The following MAMDC2 variants were observed in gnomAD, a reference collection of about 807,000 sequenced individuals.
MAMDC2 encodes the protein MAM domain containing 2, also known as MAM domain-containing protein 2.
MAMDC2 carries 57 observed loss-of-function variants against 89.8 expected under a neutral mutation model. The observed-to-expected ratio is 0.63, with a 90% CI of 0.51 to 0.79. The LOEUF (loss-of-function observed/expected upper bound fraction) is 0.79, where lower values mean the gene tolerates loss of function less well. Among genes scored for constraint, MAMDC2 ranks in the 30% least tolerant of loss-of-function variants. MAMDC2 has a pLI of 0.00. For missense variants in MAMDC2, 800 were observed against 820.6 expected, an observed-to-expected ratio of 0.97 and a Z score of 0.31; for synonymous variants, 313 against 293.4, an observed-to-expected ratio of 1.07 and a Z score of -0.68.
chr9:70,078,966 C>T (rs1827596888), intron 2 of MAMDC2, among the ~76,000 whole-genome samples: 1 of 152,122 alleles, frequency 6.6e-6, no homozygotes, highest in Non-Finnish European at 1.5e-5. Flanking sequence ...CACAGCAAAC[C>T]CAGCCTGCTT....
chr9:70,125,732 G>C (rs556360036), intron 5 of MAMDC2, among the ~76,000 whole-genome samples: 86 of 152,304 alleles, frequency 5.6e-4, no homozygotes, highest in African/African-American at 1.9e-3. Flanking sequence ...AGAATAGATG[G>C]TAAGCTTTGT....
chr9:70,168,930 G>A (rs2032250046), intron 10 of MAMDC2, 135 bp downstream of exon 10: 5 of 685,484 alleles, frequency 7.3e-6, no homozygotes, highest in Middle Eastern at 2.6e-4. Context: ...CTGCAGAGCT[G>A]TGTAGCAGGC....
At chr9:70,144,134 A>AAT (rs2031318435) in intron 9 of MAMDC2, among the ~76,000 whole-genome samples, 2 of 146,794 alleles carry the variant, frequency 1.4e-5, no homozygotes, top group Non-Finnish European at 3.0e-5. Context: ...AACTTTAGTC[A>AAT]TAATTCTCTC....
chr9:70,195,836 A>G (rs1328132845), intron 11 of MAMDC2, among the ~76,000 whole-genome samples: 2 of 152,142 alleles, frequency 1.3e-5, no homozygotes, highest in Non-Finnish European at 2.9e-5. Flanking sequence ...TGAAAAGGTG[A>G]AAGTTCTCGA....
intron 5 of MAMDC2, among the ~76,000 whole-genome samples, chr9:70,118,297 A>AACACACACACACACAC (rs6151026): frequency 0.012 from 1,634 of 140,400 alleles, 64 homozygotes; most frequent in East Asian, 0.026. Flanking sequence ...ATCCCCACTC[A>AACACACACACACACAC]ACACACACAC....
At chr9:70,155,994 C>T (rs1216194741) in intron 9 of MAMDC2, among the ~76,000 whole-genome samples, 2 of 152,160 alleles carry the variant, frequency 1.3e-5, no homozygotes, top group Non-Finnish European at 1.5e-5. Context: ...CTAGCATTTA[C>T]TATGTAAATC....
At chr9:70,047,335 T>C (rs1826777551) in intron 2 of MAMDC2, among the ~76,000 whole-genome samples, 1 of 152,134 alleles carries the variant, frequency 6.6e-6, no homozygotes, top group African/African-American at 2.4e-5. Flanking sequence ...GTATTTGTCC[T>C]AATACTCTCC....
intron 11 of MAMDC2, among the ~76,000 whole-genome samples, chr9:70,183,822 T>C (rs1027479512): frequency 6.6e-6 from 1 of 152,194 alleles, no homozygotes; most frequent in African/African-American, 2.4e-5. Context: ...TGTCTTTTAA[T>C]TGGGGCATTT....
intron 2 of MAMDC2, chr9:70,087,163 C>G (rs1827788023): frequency 6.6e-6 from 1 of 152,154 alleles, no homozygotes; most frequent in South Asian, 2.1e-4. Context: ...TCCCTGTTCC[C>G]TTGAGGTTGA....
intron 2 of MAMDC2, among the ~76,000 whole-genome samples, chr9:70,100,194 T>C (rs1027675046): frequency 2.0e-5 from 3 of 152,326 alleles, no homozygotes; most frequent in South Asian, 4.1e-4. Flanking sequence ...TTACATTATC[T>C]TATTTAATCT....
At chr9:70,087,439 T>C (rs568290585) in intron 2 of MAMDC2, 3 of 152,256 alleles carry the variant, frequency 2.0e-5, no homozygotes, top group Admixed American at 6.5e-5. Context: ...CTCCAGCAGA[T>C]GGAAGCATCC....
intron 9 of MAMDC2, among the ~76,000 whole-genome samples, chr9:70,165,088 C>A (rs990919823): frequency 2.0e-5 from 3 of 151,896 alleles, no homozygotes; most frequent in African/African-American, 7.3e-5. Flanking sequence ...ATGAAATAAA[C>A]ACTGCTTTTA....
chr9:70,134,352 G>T, intron 7 of MAMDC2, among the ~76,000 whole-genome samples: 1 of 130,550 alleles, frequency 7.7e-6, no homozygotes, highest in Non-Finnish European at 1.5e-5. Context: ...CCATCCCTTT[G>T]CCCCCTCACT....
chr9:70,088,363 C>T (rs544950263), intron 2 of MAMDC2: 5 of 152,206 alleles, frequency 3.3e-5, no homozygotes, highest in South Asian at 2.1e-4. Flanking sequence ...ACTTTGGCTT[C>T]AACTAGAGGT....
intron 11 of MAMDC2, among the ~76,000 whole-genome samples, chr9:70,191,143 CTT>C (rs2032869163): frequency 6.6e-6 from 1 of 152,056 alleles, no homozygotes; most frequent in African/African-American, 2.4e-5. Context: ...GCAAAGAGTG[CTT>C]GGGAAAAGCA....
intron 11 of MAMDC2, among the ~76,000 whole-genome samples, chr9:70,209,593 T>A (rs546954007): frequency 4.4e-3 from 285 of 64,810 alleles, no homozygotes; most frequent in African/African-American, 0.015. Context: ...AGCTCCTGGA[T>A]TCACTGATTT....
At chr9:70,187,967 T>C (rs1190082373) in intron 11 of MAMDC2, among the ~76,000 whole-genome samples, 1 of 152,226 alleles carries the variant, frequency 6.6e-6, no homozygotes, top group Non-Finnish European at 1.5e-5. Flanking sequence ...GCCAGACTTT[T>C]TCAAAGTGGC....
At chr9:70,088,182 A>G (rs1827813641) in intron 2 of MAMDC2, 1 of 152,152 alleles carries the variant, frequency 6.6e-6, no homozygotes, top group Admixed American at 6.5e-5. Flanking sequence ...CAGTTAAACC[A>G]AGAAAGGCTT....
intron 10 of MAMDC2, 76 bp from the exon 11 acceptor site, chr9:70,170,403 A>G (rs2032302055): frequency 6.0e-6 from 9 of 1,496,992 alleles, no homozygotes; most frequent in Non-Finnish European, 8.1e-6. Flanking sequence ...ACATTCATAC[A>G]TGCAGAGTGG....
Sources: allele counts gnomAD v4.1 joint callset (sites outside exome capture counted in the v4.1 genomes callset), GRCh38; gene constraint gnomAD v4.1.1; transcripts MANE v1.5; gene names NCBI Gene and HGNC (gene_info 2026-07-23, HGNC 2026-07-21).